Variants in CNTN5 observed in about 807,000 individuals in gnomAD.
CNTN5 encodes contactin-5.
CNTN5 carries 77 observed loss-of-function variants against 129.1 expected under a neutral mutation model. The observed-to-expected ratio is 0.60, with a 90% confidence interval of 0.50 to 0.72. The LOEUF is 0.72. CNTN5 is among the 30% of genes least tolerant of loss of function. The pLI, the probability that CNTN5 is intolerant of heterozygous loss-of-function variation, is 0.00. For missense variants in CNTN5, 1,478 were observed against 1,328.8 expected, an observed-to-expected ratio of 1.11 and a Z score of -1.75; for synonymous variants, 509 against 465.6, an observed-to-expected ratio of 1.09 and a Z score of -1.20.
intron 23 of CNTN5, among the ~76,000 whole-genome samples, chr11:100,343,262 G>T (rs1952205823): frequency 6.6e-6 from 1 of 152,148 alleles, no homozygotes; most frequent in South Asian, 2.1e-4. Context: ...CATTGCAAAA[G>T]ATATTTTTTT....
chr11:99,471,636 G>GT (rs112394091), intron 2 of CNTN5, among the ~76,000 whole-genome samples: 30,851 of 149,336 alleles, frequency 0.21, 3,338 homozygotes, highest in Middle Eastern at 0.32. Context: ...TACTTCATGT[G>GT]TTTTTTTTTT....
chr11:100,084,549 C>T (rs1359170296), intron 13 of CNTN5, among the ~76,000 whole-genome samples: 1 of 151,840 alleles, frequency 6.6e-6, no homozygotes, highest in African/African-American at 2.4e-5. Flanking sequence ...AAGCATAGTA[C>T]AATGATAACC....
At chr11:99,888,576 GA>G (rs1401758846) in intron 6 of CNTN5, among the ~76,000 whole-genome samples, 2 of 152,172 alleles carry the variant, frequency 1.3e-5, no homozygotes, top group Non-Finnish European at 2.9e-5. Context: ...AAAGAGAGCT[GA>G]AACAGGCTTA....
chr11:100,355,981 TTATAAA>T (rs1436241748), intron 24 of CNTN5, 130 bp from the exon 25 acceptor site: 4 of 624,618 alleles, frequency 6.4e-6, no homozygotes, highest in Admixed American at 5.5e-5. Flanking sequence ...ATGTCTGATT[TTATAAA>T]TATAAAGAAC....
chr11:99,380,766 C>T (rs1159054819), intron 2 of CNTN5, among the ~76,000 whole-genome samples: 1 of 11,608 alleles, frequency 8.6e-5, no homozygotes, highest in Non-Finnish European at 1.7e-4. Context: ...GAAACTCTAT[C>T]TCAAAAAAAA....
intron 7 of CNTN5, among the ~76,000 whole-genome samples, chr11:99,934,304 G>A (rs1950258066): frequency 6.6e-6 from 1 of 152,116 alleles, no homozygotes; most frequent in Non-Finnish European, 1.5e-5. Flanking sequence ...TTAACCCAGA[G>A]TTCAGCTATA....
chr11:99,614,632 C>T (rs998751498), intron 3 of CNTN5, among the ~76,000 whole-genome samples: 1 of 152,188 alleles, frequency 6.6e-6, no homozygotes, highest in African/African-American at 2.4e-5. Flanking sequence ...GTTCTCTGGG[C>T]TTTGCTGGAT....
rs529690808 is a variant in CNTN5 at position 100,063,770 on chromosome 11, C to T, written c.1162+2377C>T. ...AGCATGGCGTTGCACTCCTGTGGTC[C>T]CAAATACTCAGAAGCCTGAGGTGGG... On this transcript the variant is annotated intron_variant, in intron 10 of 24. Coordinates refer to ENST00000524871, the MANE Select transcript of CNTN5 (RefSeq NM_014361.4). Among the ~76,000 whole-genome samples, 6 of 151,596 alleles carry T rather than the reference C, an allele frequency of 4.0e-5. No homozygotes were observed. In the East Asian group the frequency reaches 1.2e-3, roughly 29 times the overall value.
chr11:99,267,920 G>GCGCGCA (rs905178705), intron 1 of CNTN5, among the ~76,000 whole-genome samples: 2,678 of 140,524 alleles, frequency 0.019, 39 homozygotes, highest in Admixed American at 0.025. Context: ...ACACACACAC[G>GCGCGCA]CACACACACA....
At chr11:99,942,364 T>C (rs1026069812) in intron 7 of CNTN5, among the ~76,000 whole-genome samples, 5 of 151,908 alleles carry the variant, frequency 3.3e-5, no homozygotes, top group Non-Finnish European at 5.9e-5. Context: ...ATAAATAATA[T>C]CCAAACTGGA....
intron 2 of CNTN5, among the ~76,000 whole-genome samples, chr11:99,460,452 C>G (rs953081732): frequency 1.3e-5 from 2 of 151,870 alleles, no homozygotes; most frequent in Non-Finnish European, 2.9e-5. Context: ...CATATTTACT[C>G]TCTTTAAATA....
intron 15 of CNTN5, among the ~76,000 whole-genome samples, chr11:100,216,738 A>G (rs537212623): frequency 1.1e-4 from 17 of 152,298 alleles, no homozygotes; most frequent in African/African-American, 3.8e-4. Flanking sequence ...AGCTTTTCAA[A>G]TAAACCTATG....
intron 3 of CNTN5, among the ~76,000 whole-genome samples, chr11:99,646,125 G>A (rs752227866): frequency 6.6e-6 from 1 of 152,132 alleles, no homozygotes; most frequent in Non-Finnish European, 1.5e-5. Context: ...TTTGCCAGGA[G>A]CTGGAGTTAT....
At chr11:99,885,346 G>A (rs912388341) in intron 6 of CNTN5, among the ~76,000 whole-genome samples, 1 of 151,964 alleles carries the variant, frequency 6.6e-6, no homozygotes, top group African/African-American at 2.4e-5. Flanking sequence ...AAAAGACAAA[G>A]CTGCCTACAC....
intron 1 of CNTN5, among the ~76,000 whole-genome samples, chr11:99,198,381 C>G (rs1377609491): frequency 6.6e-6 from 1 of 152,106 alleles, no homozygotes; most frequent in Non-Finnish European, 1.5e-5. Context: ...GTTTGCAGTA[C>G]TGTGACCCTA....
chr11:100,321,994 A>G (rs1338881787), intron 21 of CNTN5, among the ~76,000 whole-genome samples: 1 of 152,096 alleles, frequency 6.6e-6, no homozygotes, highest in Non-Finnish European at 1.5e-5. Flanking sequence ...TGGCATATAG[A>G]TATTTTTGTG....
chr11:99,695,383 A>G (rs779072948), intron 3 of CNTN5, among the ~76,000 whole-genome samples: 3 of 152,112 alleles, frequency 2.0e-5, no homozygotes, highest in Admixed American at 2.0e-4. Flanking sequence ...TGTCTGAATT[A>G]GATCCATGTG....
chr11:99,924,103 T>C (rs1285891375), intron 7 of CNTN5, among the ~76,000 whole-genome samples: 1 of 152,142 alleles, frequency 6.6e-6, no homozygotes, highest in Non-Finnish European at 1.5e-5. Context: ...ATTATTTTTG[T>C]TTTACTTTTT....
chr11:99,473,216 C>A (rs942428965), intron 2 of CNTN5, among the ~76,000 whole-genome samples: 1 of 152,018 alleles, frequency 6.6e-6, no homozygotes. Flanking sequence ...TAGCAACAAC[C>A]TTGGAAAATC....
Sources: gnomAD v4.1 joint callset for allele counts (sites outside exome capture counted in the v4.1 genomes callset) on GRCh38, gnomAD v4.1.1 for gene constraint, MANE v1.5 for transcripts, NCBI Gene and HGNC (gene_info 2026-07-23, HGNC 2026-07-21) for gene names.